Variants in ZFYVE28 observed in about 807,000 individuals in gnomAD.
ZFYVE28 encodes zinc finger FYVE-type containing 28, also known as lateral signaling target protein 2 homolog.
Under a neutral mutation model 82.1 loss-of-function variants are expected in ZFYVE28, and 40 were observed. The ratio of observed to expected loss-of-function variants is 0.49; its 90% CI spans 0.38 to 0.63. ZFYVE28 has a LOEUF of 0.63. Among genes scored for constraint, ZFYVE28 ranks in the 30% least tolerant of loss-of-function variants. ZFYVE28 has a pLI of 0.00. For missense variants in ZFYVE28, 1,321 were observed against 1,242.1 expected (o/e 1.06, Z -0.96); for synonymous variants, 612 against 546.1 (o/e 1.12, Z -1.68).
Position 2,315,963 on chromosome 4 carries a change from ATTG to A in ZFYVE28, c.803+4204_803+4206del, listed in dbSNP as rs140182928. ...CTCTTATGCTCTATTCTGGTTTTCT[ATTG>A]TTGTTTCTTGTTGTTTTTCCCCTCT... On this transcript the variant is annotated intron_variant, in intron 7 of 12. Coordinates refer to ENST00000290974, the MANE Select transcript of ZFYVE28 (RefSeq NM_020972.3). Among the ~76,000 whole-genome samples the A allele has an allele frequency of 4.6e-3, 698 of 150,444 alleles. 40 individuals are homozygous for A. The East Asian group carries it at 0.12, about 26-fold the overall frequency.
chr4:2,347,688 C>G (rs1723792452), intron 2 of ZFYVE28, among the ~76,000 whole-genome samples: 1 of 148,894 alleles, frequency 6.7e-6, no homozygotes. Flanking sequence ...AACATGAAAT[C>G]AAAGAGGAAA....
At chr4:2,388,558 C>G (rs567267951) in intron 1 of ZFYVE28, among the ~76,000 whole-genome samples, 11 of 152,302 alleles carry the variant, frequency 7.2e-5, no homozygotes, top group African/African-American at 2.6e-4. Context: ...CAGGCAGCCT[C>G]TTTCCTGCCC....
intron 8 of ZFYVE28, among the ~76,000 whole-genome samples, chr4:2,280,345 C>CA (rs1469775622): frequency 6.6e-6 from 1 of 151,736 alleles, no homozygotes; most frequent in Non-Finnish European, 1.5e-5. Context: ...TCTGTCTCTA[C>CA]AAAAAATCCA....
chr4:2,305,507 T>G lies in ZFYVE28; in HGVS notation c.833A>C (p.Glu278Ala). The G allele has an allele frequency of 6.2e-7, 1 of 1,612,906 alleles. No individual in the cohort carries two copies. The highest frequency in any genetic ancestry group is 8.5e-7 in the Non-Finnish European group (1 of 1,180,018). ...GAGGTTCCGTTCCAGCGTGTGCAGC[T>G]CCTCCTCCGTCAGCGTCTGCAGCAA... is the stretch of plus-strand genomic sequence containing the variant. ...RDLLQTLTEE[E>A]LHTLERNLCI... The change falls in exon 8 of 13, where the codon GAG (glutamate) becomes GCG (alanine). Residue 278 changes from glutamate (E) to alanine (A), a missense_variant. Physicochemically the swap from Glu to Ala is moderately radical, Grantham distance 107. This residue lies in a region of ZFYVE28 where 343 missense variants were observed against 408.4 expected (regional missense o/e 0.84). Transcript: ENST00000290974.
chr4:2,376,750 T>C (rs1028169502), intron 1 of ZFYVE28, among the ~76,000 whole-genome samples: 1 of 152,004 alleles, frequency 6.6e-6, no homozygotes, highest in Non-Finnish European at 1.5e-5. Flanking sequence ...AAGATGAGAT[T>C]TGGGTGGGGA....
intron 2 of ZFYVE28, among the ~76,000 whole-genome samples, chr4:2,349,550 TG>T (rs1299453358): frequency 6.6e-6 from 1 of 152,128 alleles, no homozygotes; most frequent in East Asian, 1.9e-4. Context: ...AAAATGTAAA[TG>T]AATCAGCCAA....
chr4:2,307,337 T>C (rs1716738137), intron 7 of ZFYVE28, among the ~76,000 whole-genome samples: 1 of 152,236 alleles, frequency 6.6e-6, no homozygotes, highest in African/African-American at 2.4e-5. Flanking sequence ...GGCTTGCCTT[T>C]TCATTCTCTT....
Position 2,397,471 on chromosome 4 carries a change from C to CAA in ZFYVE28, c.39+20812_39+20813dup, listed in dbSNP as rs35358830. Among the ~76,000 whole-genome samples, 919 of 98,008 alleles carry CAA rather than the reference C, an allele frequency of 9.4e-3. 15 individuals are homozygous for CAA. Among genetic ancestry groups the CAA allele is most frequent in the Middle Eastern group, 0.023 (4 of 172 alleles). 64.3% of individuals were successfully genotyped at this position (98,008 alleles called of 152,430 possible). A position where few individuals can be genotyped will look rare whatever the true frequency, so the allele number is the denominator to read the frequency against. ...CCAGCCTGGGGGCCAGACTCGGTCTCAAAAAAAAAAAAAAAAAAAAAATTT... is the reference window on the plus strand; with the variant it reads ...CCAGCCTGGGGGCCAGACTCGGTCTCAAAAAAAAAAAAAAAAAAAAAAAATTT... On this transcript the variant is annotated intron_variant, in intron 1 of 12. Coordinates refer to ENST00000290974, the MANE Select transcript of ZFYVE28 (RefSeq NM_020972.3).
Position 2,304,495 on chromosome 4 carries a change from T to TG in ZFYVE28, c.1844dup (p.Pro616ThrfsTer124). ...GCCCGTTGGAGGCATCTTCTGAGGGTGGGGGCGCCTCCTCCTGTCTCTCAG... is the reference window on the plus strand; with the variant it reads ...GCCCGTTGGAGGCATCTTCTGAGGGTGGGGGGCGCCTCCTCCTGTCTCTCAG... On this transcript the variant is annotated frameshift_variant, in exon 8 of 13. Coordinates refer to ENST00000290974, the MANE Select transcript of ZFYVE28 (RefSeq NM_020972.3). LOFTEE classifies it high-confidence loss of function. 1 of 1,612,674 alleles carries TG rather than the reference T, an allele frequency of 6.2e-7. No individual in the cohort carries two copies. The highest frequency in any genetic ancestry group is 1.7e-5 in the Admixed American group (1 of 59,998).
chr4:2,366,874 C>G (rs1726950083), intron 1 of ZFYVE28, among the ~76,000 whole-genome samples: 1 of 152,252 alleles, frequency 6.6e-6, no homozygotes, highest in South Asian at 2.1e-4. Context: ...CGGCGCCACG[C>G]AAACCCCAGG....
chr4:2,394,091 G>A lies in ZFYVE28; in HGVS notation c.39+24194C>T, dbSNP rs75163576. On this transcript the variant is annotated intron_variant, in intron 1 of 12. Transcript: ENST00000290974. The surrounding 1 kb of genome is among the most constrained non-coding windows in gnomAD (Gnocchi z 4.0). The stretch of plus-strand genomic sequence containing the variant: ...ACCTTCAGAGCCAGCGGCATTGCAC[G>A]TCTACAGCCTTCTTCCCAGGCCCAG... 6.3e-3 allele frequency among the ~76,000 whole-genome samples: 953 copies of A among 152,258 alleles called. 11 individuals carry two copies. The highest frequency in any genetic ancestry group is 0.022 in the African/African-American group (894 of 41,546).
At chr4:2,280,414 G>A (rs912137008) in intron 8 of ZFYVE28, among the ~76,000 whole-genome samples, 1 of 152,120 alleles carries the variant, frequency 6.6e-6, no homozygotes, top group African/African-American at 2.4e-5. Context: ...AAGCTGAGGT[G>A]GGAGGATCGC....
chr4:2,294,015 C>G (rs1250684309), intron 8 of ZFYVE28, among the ~76,000 whole-genome samples: 1 of 150,832 alleles, frequency 6.6e-6, no homozygotes, highest in Non-Finnish European at 1.5e-5. Context: ...TATTAAGATG[C>G]TAATTCTTTC....
Position 2,305,008 on chromosome 4 carries a change from C to T in ZFYVE28, c.1332G>A (p.Ala444=), listed in dbSNP as rs766652682. The change falls in exon 8 of 13, where the codon GCG becomes GCA. Residue 444 remains alanine (A), a synonymous_variant. Coordinates refer to ENST00000290974, the MANE Select transcript of ZFYVE28 (RefSeq NM_020972.3). The part of the protein sequence containing the change: ...QEKGQGGPGG[A]AGISLPASEK... ...CCGAGGCGGGCAAGCTGATCCCCGC[C>T]GCTCCGCCTGGCCCACCCTGCCCTT... The T allele has an allele frequency of 3.0e-5, 49 of 1,612,668 alleles. No homozygotes were observed. Among genetic ancestry groups the T allele is most frequent in the Non-Finnish European group, 3.9e-5 (46 of 1,179,918 alleles).
chr4:2,401,169 G>A (rs923196814), intron 1 of ZFYVE28, among the ~76,000 whole-genome samples: 8 of 152,198 alleles, frequency 5.3e-5, no homozygotes, highest in African/African-American at 1.9e-4. Flanking sequence ...TTGCTCCATG[G>A]AACTAAGGGG....
At chr4:2,407,844 G>T (rs1278209276) in intron 1 of ZFYVE28, among the ~76,000 whole-genome samples, 1 of 152,124 alleles carries the variant, frequency 6.6e-6, no homozygotes, top group Non-Finnish European at 1.5e-5. Context: ...CCTCGGCTTC[G>T]CAAAGTGCTG....
intron 7 of ZFYVE28, among the ~76,000 whole-genome samples, chr4:2,308,822 T>C (rs940946639): frequency 2.0e-5 from 3 of 152,142 alleles, no homozygotes; most frequent in Non-Finnish European, 4.4e-5. Context: ...TGAGACTGCA[T>C]TGAACTCATA....
chr4:2,340,388 C>A (rs976406984), intron 3 of ZFYVE28, among the ~76,000 whole-genome samples: 2 of 152,046 alleles, frequency 1.3e-5, no homozygotes, highest in African/African-American at 4.8e-5. Context: ...GAGTCCAGGC[C>A]CTGGTAGACC....
At chr4:2,347,075 A>T (rs1043641232) in intron 2 of ZFYVE28, among the ~76,000 whole-genome samples, 3 of 152,210 alleles carry the variant, frequency 2.0e-5, no homozygotes, top group African/African-American at 7.2e-5. Flanking sequence ...GCTAAAAGTA[A>T]AAGGATTTTT....
Sources: allele counts gnomAD v4.1 joint callset (sites outside exome capture counted in the v4.1 genomes callset), GRCh38; gene constraint gnomAD v4.1.1; regional missense constraint gnomAD v4.1.1; non-coding constraint Gnocchi (gnomAD v3.1); transcripts MANE v1.5; gene names NCBI Gene and HGNC (gene_info 2026-07-23, HGNC 2026-07-21).